CRPPA: variants seen among roughly 807,000 people sequenced by gnomAD.
CRPPA encodes CDP-L-ribitol pyrophosphorylase A, also known as D-ribitol-5-phosphate cytidylyltransferase.
Under a neutral mutation model 52.0 loss-of-function variants are expected in CRPPA, and 43 were observed. That is an observed-to-expected ratio of 0.83 (90% CI 0.65 to 1.07). The LOEUF is 1.07. Among genes scored for constraint, CRPPA ranks in the 50% least tolerant of loss-of-function variants. The probability of loss-of-function intolerance (pLI) is 0.00; values close to 1 mark genes in which losing one functional copy is unlikely to be tolerated. For synonymous variants in CRPPA, 250 were observed against 203.5 expected, an observed-to-expected ratio of 1.23 and a Z score of -1.94; for missense variants, 629 against 551.7, an observed-to-expected ratio of 1.14 and a Z score of -1.40.
At chr7:16,225,015 A>AT (rs1337676050) in intron 8 of CRPPA, among the ~76,000 whole-genome samples, 3 of 152,132 alleles carry the variant, frequency 2.0e-5, no homozygotes, top group Non-Finnish European at 4.4e-5. Flanking sequence ...TCTTCACAAA[A>AT]TAAAATACAG....
chr7:16,109,112 G>A (rs1166479830), intron 9 of CRPPA, among the ~76,000 whole-genome samples: 1 of 151,558 alleles, frequency 6.6e-6, no homozygotes, highest in East Asian at 1.9e-4. Context: ...GAGATTAGAG[G>A]ACAACATAAA....
Position 16,335,499 on chromosome 7 carries a change from G to A in CRPPA, c.685-26872C>T, listed in dbSNP as rs182966334. 7.5e-3 allele frequency among the ~76,000 whole-genome samples: 1,149 copies of A among 152,216 alleles called. 6 individuals carry two copies. Among genetic ancestry groups the A allele is most frequent in the Non-Finnish European group, 9.8e-3 (667 of 67,992 alleles). On this transcript the variant is annotated intron_variant, in intron 3 of 9. Transcript: ENST00000407010. ...AGATAAAGACTACAATAACTGAACC[G>A]AAAAATTTGTTAGAAAGCTTCAACA...
chr7:16,160,239 C>G (rs1278047328), intron 9 of CRPPA, among the ~76,000 whole-genome samples: 1 of 152,116 alleles, frequency 6.6e-6, no homozygotes, highest in East Asian at 1.9e-4. Flanking sequence ...GAAGTCTCTG[C>G]CTATGCCTAT....
chr7:16,223,209 C>G (rs1160157317), intron 8 of CRPPA, among the ~76,000 whole-genome samples: 1 of 152,172 alleles, frequency 6.6e-6, no homozygotes, highest in East Asian at 1.9e-4. Flanking sequence ...GACTAAGGAA[C>G]AATGCCGCTG....
chr7:16,207,849 A>G (rs1478311375), intron 9 of CRPPA, among the ~76,000 whole-genome samples: 2 of 152,220 alleles, frequency 1.3e-5, no homozygotes, highest in Admixed American at 1.3e-4. Flanking sequence ...AGGAAATCAG[A>G]TCAATATCAA....
chr7:16,147,382 A>C (rs71540737), intron 9 of CRPPA, among the ~76,000 whole-genome samples: 21,940 of 152,136 alleles, frequency 0.14, 1,888 homozygotes, highest in Non-Finnish European at 0.19. Context: ...ATTAACCCCC[A>C]AAATCAAATC....
chr7:16,211,354 T>A (rs192398869), intron 9 of CRPPA, among the ~76,000 whole-genome samples: 200 of 152,296 alleles, frequency 1.3e-3, no homozygotes, highest in Non-Finnish European at 2.5e-3. Flanking sequence ...GTGAAAAATA[T>A]CTGGTCTCAT....
chr7:16,305,162 G>A (rs1784880755), intron 4 of CRPPA, among the ~76,000 whole-genome samples: 1 of 151,944 alleles, frequency 6.6e-6, no homozygotes. Flanking sequence ...TATCAAAAGG[G>A]GTTAAATAAT....
At chr7:16,224,533 G>A (rs1199257121) in intron 8 of CRPPA, among the ~76,000 whole-genome samples, 1 of 152,102 alleles carries the variant, frequency 6.6e-6, no homozygotes, top group African/African-American at 2.4e-5. Context: ...CAAAGTGGAA[G>A]GAAGGATGGT....
intron 1 of CRPPA, among the ~76,000 whole-genome samples, chr7:16,419,415 C>T (rs1788274232): frequency 6.6e-6 from 1 of 152,216 alleles, no homozygotes; most frequent in Non-Finnish European, 1.5e-5. Context: ...TGGTTTGACT[C>T]TGGAACAAAA....
chr7:16,132,435 G>A (rs770513051), intron 9 of CRPPA, among the ~76,000 whole-genome samples: 5 of 124,672 alleles, frequency 4.0e-5, no homozygotes, highest in Admixed American at 8.1e-5. Context: ...GAATTCTCTC[G>A]TTGAAAGAGA....
In CRPPA at chr7:16,140,564, G is replaced by T. The variant is rs73291880; in HGVS notation, c.1252-48765C>A. ...TATAACATAAAAAGTTGAATCAACAGAAGCCCCAGATGTGATCTGTGAAAT... is the reference window on the plus strand; with the variant it reads ...TATAACATAAAAAGTTGAATCAACATAAGCCCCAGATGTGATCTGTGAAAT... On this transcript the variant is annotated intron_variant, in intron 9 of 9. Transcript: ENST00000407010. Among the ~76,000 whole-genome samples, 429 of 152,324 alleles carry T rather than the reference G, an allele frequency of 2.8e-3. 2 individuals are homozygous for T. The highest frequency in any genetic ancestry group is 0.01 in the African/African-American group (418 of 41,568).
Position 16,216,165 on chromosome 7 carries a change from G to A in CRPPA, c.1152C>T (p.Pro384=), listed in dbSNP as rs765231439. 3 of 1,586,490 alleles carry A rather than the reference G, an allele frequency of 1.9e-6. No individual in the cohort carries two copies. Among genetic ancestry groups the A allele is most frequent in the East Asian group, 4.5e-5 (2 of 44,536 alleles). ...VHFLDFKLVP[P]SQKMENLMQI... Reference sequence around the variant, plus strand: ...GCATTAGGTTTTCCATTTTCTGACTGGGAGGTACTAATTTAAAATCAAGAA... The same window carrying A: ...GCATTAGGTTTTCCATTTTCTGACTAGGAGGTACTAATTTAAAATCAAGAA... Residue 384 remains proline, a synonymous_variant, in exon 9 of 10, where the codon CCC becomes CCT. Transcript: ENST00000407010.
At chr7:16,324,038 C>A (rs910399305) in intron 3 of CRPPA, among the ~76,000 whole-genome samples, 1 of 152,186 alleles carries the variant, frequency 6.6e-6, no homozygotes, top group African/African-American at 2.4e-5. Flanking sequence ...GATGTCCATG[C>A]ACTGGCGACG....
intron 1 of CRPPA, among the ~76,000 whole-genome samples, chr7:16,415,679 G>A (rs779894478): frequency 1.3e-5 from 2 of 152,122 alleles, no homozygotes; most frequent in Non-Finnish European, 2.9e-5. Flanking sequence ...GCTTTCCTGG[G>A]TTCATTAAAT....
Position 16,302,728 on chromosome 7 carries a change from C to G in CRPPA, c.790-1262G>C, listed in dbSNP as rs1026028982. Reference sequence around the variant, plus strand: ...AGGTGTTGGGTTGGAATTTCACCCACACAGAACCTTTCCTCTTCTTCAGGT... The same window carrying G: ...AGGTGTTGGGTTGGAATTTCACCCAGACAGAACCTTTCCTCTTCTTCAGGT... On this transcript the variant is annotated intron_variant, in intron 4 of 9. Coordinates refer to ENST00000407010, the MANE Select transcript of CRPPA (RefSeq NM_001101426.4). 1.1e-4 allele frequency among the ~76,000 whole-genome samples: 17 copies of G among 152,158 alleles called. 1 individual carries two copies. The highest frequency in any genetic ancestry group is 4.1e-4 in the African/African-American group (17 of 41,420).
At chr7:16,254,780 A>G (rs62440444) in intron 8 of CRPPA, among the ~76,000 whole-genome samples, 4 of 127,986 alleles carry the variant, frequency 3.1e-5, no homozygotes, top group East Asian at 4.9e-4. Flanking sequence ...ACAGAAAGAA[A>G]GAAAGAAAGA....
At chr7:16,108,426 T>C (rs1238526804) in intron 9 of CRPPA, among the ~76,000 whole-genome samples, 1 of 151,824 alleles carries the variant, frequency 6.6e-6, no homozygotes, top group African/African-American at 2.4e-5. Context: ...TAAATACATA[T>C]GCACCCAACA....
At chr7:16,330,340 A>G (rs1785520170) in intron 3 of CRPPA, among the ~76,000 whole-genome samples, 1 of 152,214 alleles carries the variant, frequency 6.6e-6, no homozygotes, top group South Asian at 2.1e-4. Flanking sequence ...TTGTTTCTAC[A>G]TATAAGAAAA....
Sources: allele counts gnomAD v4.1 joint callset (sites outside exome capture counted in the v4.1 genomes callset), GRCh38; gene constraint gnomAD v4.1.1; transcripts MANE v1.5; gene names NCBI Gene and HGNC (gene_info 2026-07-23, HGNC 2026-07-21).